COMMD1: variants seen among roughly 807,000 people sequenced by gnomAD.
COMMD1 encodes the protein COMM domain-containing protein 1.
In COMMD1, 10 loss-of-function variants were observed where a neutral mutation model predicts 17.2. The ratio of observed to expected loss-of-function variants is 0.58; its 90% CI spans 0.36 to 0.99. COMMD1 has a LOEUF of 0.99. Among genes scored for constraint, COMMD1 ranks in the 50% least tolerant of loss-of-function variants. The pLI is 0.01. For synonymous variants in COMMD1, 97 were observed against 91.6 expected (o/e 1.06, Z -0.34); for missense variants, 270 against 231.8 (o/e 1.17, Z -1.07).
chr2:61,994,042 A>C (rs1668673366), intron 1 of COMMD1, among the ~76,000 whole-genome samples: 1 of 151,910 alleles, frequency 6.6e-6, no homozygotes, highest in African/African-American at 2.4e-5. Flanking sequence ...GCTGAAGTGC[A>C]GTGGCGCAAT....
chr2:62,017,447 C>G (rs2103846966), intron 2 of COMMD1, among the ~76,000 whole-genome samples: 1 of 151,800 alleles, frequency 6.6e-6, no homozygotes, highest in African/African-American at 2.4e-5. Flanking sequence ...GCAGGCAGAT[C>G]ACTTGAGCCC....
chr2:62,133,152 A>C (rs1471603882), intron 2 of COMMD1, among the ~76,000 whole-genome samples: 1 of 152,238 alleles, frequency 6.6e-6, no homozygotes, highest in African/African-American at 2.4e-5. Context: ...CCTGTAGGCA[A>C]GGAAAGCTGC....
At chr2:62,056,677 C>G (rs1453461179) in intron 2 of COMMD1, among the ~76,000 whole-genome samples, 1 of 152,218 alleles carries the variant, frequency 6.6e-6, no homozygotes, top group Non-Finnish European at 1.5e-5. Context: ...TTCTTTCTCC[C>G]AGCTGGTGCA....
At chr2:61,917,731 C>T (rs923735003) in intron 1 of COMMD1, among the ~76,000 whole-genome samples, 1 of 152,170 alleles carries the variant, frequency 6.6e-6, no homozygotes, top group Non-Finnish European at 1.5e-5. Flanking sequence ...CGGGGTTTCA[C>T]CGTGTTAGCC....
At chr2:61,935,539 A>T (rs1050722770) in intron 1 of COMMD1, among the ~76,000 whole-genome samples, 7 of 151,924 alleles carry the variant, frequency 4.6e-5, no homozygotes, top group Non-Finnish European at 8.8e-5. Flanking sequence ...GAGGCAAGAG[A>T]ATTGCTTGAA....
chr2:62,135,450 A>C (rs1373069290), intron 2 of COMMD1, among the ~76,000 whole-genome samples: 1 of 151,468 alleles, frequency 6.6e-6, no homozygotes, highest in East Asian at 1.9e-4. Context: ...TTTCGGGTTC[A>C]CGCCATTCTC....
At chr2:62,018,372 G>A (rs1337595040) in intron 2 of COMMD1, among the ~76,000 whole-genome samples, 3 of 152,136 alleles carry the variant, frequency 2.0e-5, no homozygotes, top group African/African-American at 7.2e-5. Flanking sequence ...AAAACTAAAA[G>A]TAGTACTTTG....
chr2:62,037,377 G>C (rs892283818), intron 2 of COMMD1, among the ~76,000 whole-genome samples: 3 of 152,212 alleles, frequency 2.0e-5, no homozygotes, highest in Non-Finnish European at 4.4e-5. Flanking sequence ...TTCCCATTCT[G>C]TCACACAGTG....
intron 2 of COMMD1, among the ~76,000 whole-genome samples, chr2:62,124,612 C>T (rs2104084148): frequency 6.6e-6 from 1 of 152,162 alleles, no homozygotes; most frequent in East Asian, 1.9e-4. Context: ...TGTAGTGGTA[C>T]CATCTCAGCT....
chr2:61,919,618 A>G (rs963687987), intron 1 of COMMD1, among the ~76,000 whole-genome samples: 3 of 146,740 alleles, frequency 2.0e-5, no homozygotes, highest in African/African-American at 7.6e-5. Flanking sequence ...CAAGTTTTAT[A>G]TAGTTTAATT....
chr2:61,946,757 T>C (rs183620754), intron 1 of COMMD1, among the ~76,000 whole-genome samples: 5 of 152,312 alleles, frequency 3.3e-5, no homozygotes, highest in South Asian at 2.1e-4. Flanking sequence ...CTAGTTTTTT[T>C]CTCTTGTTTT....
chr2:61,971,678 C>A (rs1290074282), intron 1 of COMMD1, among the ~76,000 whole-genome samples: 10 of 152,158 alleles, frequency 6.6e-5, no homozygotes, highest in Admixed American at 6.5e-4. Context: ...TTTGCCTTGG[C>A]CTCCCAAAGT....
rs747299165 is a variant in COMMD1, at chr2:61,905,795, A to C, written c.117A>C (p.Leu39=). The change falls in exon 1 of 3, where the codon CTA becomes CTC. Residue 39 remains leucine, a synonymous_variant. Transcript: ENST00000311832. ...CAGAGGAGCTGCTACGGAGCCAGCT[A>C]TATCCAGAGGTGCCACCCGAGGAGT... ...GITEELLRSQ[L]YPEVPPEEFR... is the part of the protein sequence containing the mutation. 2.7e-5 allele frequency: 43 copies of C among 1,614,118 alleles called. No homozygotes were observed.
At chr2:62,110,751 T>C (rs1672434930) in intron 2 of COMMD1, among the ~76,000 whole-genome samples, 1 of 152,108 alleles carries the variant, frequency 6.6e-6, no homozygotes, top group African/African-American at 2.4e-5. Context: ...AAAAATAATT[T>C]TCTCCTCCAC....
chr2:62,000,650 T>C (rs1449289688), intron 1 of COMMD1, 51 bp from the exon 2 acceptor site: 14 of 1,541,780 alleles, frequency 9.1e-6, no homozygotes, highest in Middle Eastern at 1.7e-4. Flanking sequence ...GCTATCTTTT[T>C]CTAATTACCT....
At chr2:61,905,657 C>T (rs1482994003), upstream of COMMD1, 3 of 1,524,300 alleles carry the variant, frequency 2.0e-6, no homozygotes, top group East Asian at 4.8e-5. Flanking sequence ...TCAGCTGTTG[C>T]GGGGCGGGGC....
intron 2 of COMMD1, among the ~76,000 whole-genome samples, chr2:62,060,808 T>C (rs10865330): frequency 0.14 from 21,835 of 152,178 alleles, 1,670 homozygotes; most frequent in East Asian, 0.21. Context: ...CAGTTTTTGC[T>C]CTTCCCCTTT....
At chr2:61,966,699 A>G (rs1017882624) in intron 1 of COMMD1, among the ~76,000 whole-genome samples, 3 of 152,018 alleles carry the variant, frequency 2.0e-5, no homozygotes, top group African/African-American at 7.2e-5. Context: ...TATCTACTCC[A>G]TAACTCTTCT....
At chr2:61,941,898 A>G (rs771863088) in intron 1 of COMMD1, among the ~76,000 whole-genome samples, 9 of 152,212 alleles carry the variant, frequency 5.9e-5, no homozygotes, top group African/African-American at 1.4e-4. Flanking sequence ...TGATTTTAAT[A>G]GTTACTTGGT....
Sources: gnomAD v4.1 joint callset for allele counts (sites outside exome capture counted in the v4.1 genomes callset) on GRCh38, gnomAD v4.1.1 for gene constraint, MANE v1.5 for transcripts, NCBI Gene and HGNC (gene_info 2026-07-23, HGNC 2026-07-21) for gene names.